Variants in ABI2 observed in about 807,000 individuals in gnomAD.
ABI2 encodes abelson interactor 2.
ABI2 carries 25 observed loss-of-function variants against 59.2 expected under a neutral mutation model. The ratio of observed to expected loss-of-function variants is 0.42; its 90% CI spans 0.31 to 0.59. ABI2 has a LOEUF of 0.59. ABI2 is among the 20% of genes least tolerant of loss of function. The pLI is 0.14. For synonymous variants in ABI2, 213 were observed against 235.5 expected, an observed-to-expected ratio of 0.90 and a Z score of 0.87; for missense variants, 545 against 681.8, an observed-to-expected ratio of 0.80 and a Z score of 2.23.
chr2:203,407,099 A>G (rs1471603228), intron 9 of ABI2, among the ~76,000 whole-genome samples: 6 of 152,208 alleles, frequency 3.9e-5, no homozygotes, highest in Non-Finnish European at 7.3e-5. Context: ...AAACCATTCT[A>G]AGAGAATTTA....
At chr2:203,336,864 T>G (rs2076689517) in intron 1 of ABI2, among the ~76,000 whole-genome samples, 1 of 152,210 alleles carries the variant, frequency 6.6e-6, no homozygotes, top group African/African-American at 2.4e-5. Context: ...TTTATACAAA[T>G]TGCCAAACTC....
intron 8 of ABI2, among the ~76,000 whole-genome samples, chr2:203,397,416 G>A (rs2097049125): frequency 6.6e-6 from 1 of 152,148 alleles, no homozygotes; most frequent in Non-Finnish European, 1.5e-5. Flanking sequence ...GCTTATTATA[G>A]CAGCATTGGA....
chr2:203,407,519 G>C (rs1297103869), intron 9 of ABI2, among the ~76,000 whole-genome samples: 1 of 152,146 alleles, frequency 6.6e-6, no homozygotes, highest in Admixed American at 6.5e-5. Context: ...TAAAATACAA[G>C]CTTCATTGAT....
At chr2:203,358,789 C>T (rs116337496) in intron 1 of ABI2, among the ~76,000 whole-genome samples, 3,045 of 152,236 alleles carry the variant, frequency 0.02, 115 homozygotes, top group African/African-American at 0.07. Context: ...GTGGGCAGAT[C>T]ACTTAAATCC....
intron 4 of ABI2, 87 bp downstream of exon 4, chr2:203,382,293 C>A: frequency 9.0e-7 from 1 of 1,108,252 alleles, no homozygotes; most frequent in Non-Finnish European, 1.3e-6. Context: ...TAACTCTTGG[C>A]CTTTTAAAAC....
chr2:203,399,711 C>T (rs918632571), intron 8 of ABI2, among the ~76,000 whole-genome samples: 3 of 152,152 alleles, frequency 2.0e-5, no homozygotes, highest in Admixed American at 6.5e-5. Context: ...GACGGGGTTT[C>T]ACCACGTTGG....
chr2:203,407,622 T>G (rs1026404769), intron 9 of ABI2, among the ~76,000 whole-genome samples: 1 of 152,232 alleles, frequency 6.6e-6, no homozygotes, highest in East Asian at 1.9e-4. Flanking sequence ...TTTGGATTGC[T>G]TGGAAAGCCT....
chr2:203,362,893 C>T (rs1354032076), intron 1 of ABI2, among the ~76,000 whole-genome samples: 1 of 151,782 alleles, frequency 6.6e-6, no homozygotes. Context: ...GTGCAGTGAC[C>T]TGATCTCAGC....
intron 11 of ABI2, among the ~76,000 whole-genome samples, chr2:203,422,823 T>C (rs898869011): frequency 6.6e-5 from 10 of 152,208 alleles, no homozygotes; most frequent in Non-Finnish European, 1.5e-4. Context: ...TTAGAATACA[T>C]TAAGTGGTTT....
intron 1 of ABI2, among the ~76,000 whole-genome samples, chr2:203,365,677 T>C (rs1315252626): frequency 7.6e-6 from 1 of 131,288 alleles, no homozygotes; most frequent in Non-Finnish European, 1.6e-5. Context: ...TTGCCCAGGC[T>C]AGAGTACAGT....
chr2:203,384,284 G>GTTTTTTTTTT (rs1559288723), intron 4 of ABI2, among the ~76,000 whole-genome samples: 8 of 48,528 alleles, frequency 1.6e-4, no homozygotes, highest in Admixed American at 2.2e-4. Context: ...TCTTGTTTTT[G>GTTTTTTTTTT]TTTTTGTTTT....
intron 1 of ABI2, among the ~76,000 whole-genome samples, chr2:203,348,617 C>A (rs889977342): frequency 1.3e-5 from 2 of 152,074 alleles, no homozygotes; most frequent in Non-Finnish European, 2.9e-5. Context: ...TATCACCTCA[C>A]CTGGGTGAAA....
At chr2:203,356,011 T>C (rs2091800893) in intron 1 of ABI2, among the ~76,000 whole-genome samples, 1 of 152,126 alleles carries the variant, frequency 6.6e-6, no homozygotes, top group Non-Finnish European at 1.5e-5. Flanking sequence ...CTTTGAAAAG[T>C]CAAGTAGTGT....
chr2:203,345,467 C>T (rs1057243979), intron 1 of ABI2, among the ~76,000 whole-genome samples: 6 of 152,198 alleles, frequency 3.9e-5, no homozygotes, highest in African/African-American at 1.4e-4. Context: ...GAACCAATTC[C>T]GGACACAATC....
At chr2:203,358,554 T>G (rs2092786174) in intron 1 of ABI2, among the ~76,000 whole-genome samples, 1 of 152,206 alleles carries the variant, frequency 6.6e-6, no homozygotes, top group African/African-American at 2.4e-5. Context: ...TCAAACACTT[T>G]TAGAATTCTG....
chr2:203,402,540 T>C lies in ABI2; in HGVS notation c.1034-36T>C, dbSNP rs77354356. ...TATTTAATGATCTGAGATAATTTTC[T>C]TTTAATGACATATGTATGTTCTATC... On this transcript the variant is annotated intron_variant, in intron 8 of 11. Transcript: ENST00000261018. 3.7e-4 allele frequency: 511 copies of C among 1,384,444 alleles called. 4 individuals are homozygous for C. In the East Asian group the frequency reaches 0.013, roughly 35 times the overall value. The allele number at this position is 1,384,444 out of a possible 1,614,324, so 85.8% of individuals were successfully genotyped here.
intron 11 of ABI2, among the ~76,000 whole-genome samples, chr2:203,419,039 A>T (rs2098051650): frequency 6.6e-6 from 1 of 152,204 alleles, no homozygotes. Context: ...AAATCTTCAA[A>T]GTAATGAAGG....
At chr2:203,407,060 ACT>A (rs1333125879) in intron 9 of ABI2, among the ~76,000 whole-genome samples, 1 of 152,194 alleles carries the variant, frequency 6.6e-6, no homozygotes, top group Non-Finnish European at 1.5e-5. Context: ...GCCAGAATAT[ACT>A]GTCTTTCTTG....
chr2:203,416,293 A>T (rs893758965), intron 10 of ABI2, among the ~76,000 whole-genome samples: 1 of 147,110 alleles, frequency 6.8e-6, no homozygotes, highest in African/African-American at 2.5e-5. Flanking sequence ...TTTATTGTTT[A>T]TTTTTTTTTT....
Sources: allele counts gnomAD v4.1 joint callset (sites outside exome capture counted in the v4.1 genomes callset), GRCh38; gene constraint gnomAD v4.1.1; transcripts MANE v1.5; gene names NCBI Gene and HGNC (gene_info 2026-07-23, HGNC 2026-07-21).